Variants in KLHL1 observed in about 807,000 individuals in gnomAD.
KLHL1 encodes kelch like family member 1, also known as kelch-like protein 1.
KLHL1 carries 47 observed loss-of-function variants against 77.7 expected under a neutral mutation model. That is an observed-to-expected ratio of 0.60 (90% CI 0.48 to 0.77). The LOEUF is 0.77. Among genes scored for constraint, KLHL1 ranks in the 30% least tolerant of loss-of-function variants. The probability of loss-of-function intolerance (pLI) is 0.00; values close to 1 mark genes in which losing one functional copy is unlikely to be tolerated. For synonymous variants in KLHL1, 360 were observed against 325.2 expected (o/e 1.11, Z -1.15); for missense variants, 925 against 910.8 (o/e 1.02, Z -0.20).
chr13:69,989,361 T>C (rs1884963423), intron 1 of KLHL1, among the ~76,000 whole-genome samples: 1 of 152,008 alleles, frequency 6.6e-6, no homozygotes, highest in South Asian at 2.1e-4. Context: ...TACTGTAGCA[T>C]TGTAGTATGG....
At chr13:69,935,023 A>G (rs1275008312) in intron 4 of KLHL1, among the ~76,000 whole-genome samples, 1 of 143,952 alleles carries the variant, frequency 6.9e-6, no homozygotes, top group Admixed American at 7.2e-5. Flanking sequence ...ATAAAGTATC[A>G]TTATCATTAT....
At chr13:69,978,743 C>A (rs570974483) in intron 1 of KLHL1, among the ~76,000 whole-genome samples, 1 of 151,960 alleles carries the variant, frequency 6.6e-6, no homozygotes, top group Admixed American at 6.6e-5. Context: ...CGCCTTGGCC[C>A]CCCAAAGTGC....
intron 4 of KLHL1, chr13:69,894,931 G>T: frequency 2.2e-6 from 1 of 448,408 alleles, no homozygotes; most frequent in South Asian, 1.8e-5. Context: ...CAAGCAGCTT[G>T]GTTCCAGCAG....
chr13:69,923,731 G>A (rs747146468), intron 4 of KLHL1, among the ~76,000 whole-genome samples: 10 of 152,172 alleles, frequency 6.6e-5, no homozygotes, highest in Non-Finnish European at 1.5e-4. Context: ...CAGCTGCTGC[G>A]ATGATGCCAG....
At position 69,754,434 on chromosome 13, in the gene KLHL1, C is replaced by T. The variant is rs144612585; in HGVS notation, c.1640-13878G>A. 1.4e-3 allele frequency among the ~76,000 whole-genome samples: 208 copies of T among 152,230 alleles called. 4 individuals carry two copies. The East Asian group carries it at 0.037, about 27-fold the overall frequency. On this transcript the variant is annotated intron_variant, in intron 7 of 10. Transcript: ENST00000377844. ...ATACAAATATCCGAACTTACCATAACACCTACCAAACATTTGAAGCTCAAT... is the reference window on the plus strand; with the variant it reads ...ATACAAATATCCGAACTTACCATAATACCTACCAAACATTTGAAGCTCAAT...
chr13:69,714,135 T>C (rs1460236376), intron 9 of KLHL1, among the ~76,000 whole-genome samples: 3 of 152,188 alleles, frequency 2.0e-5, no homozygotes, highest in Non-Finnish European at 4.4e-5. Flanking sequence ...AATAAATTTC[T>C]GCTTCCCTTC....
At chr13:69,922,658 C>A (rs1371535134) in intron 4 of KLHL1, among the ~76,000 whole-genome samples, 1 of 151,586 alleles carries the variant, frequency 6.6e-6, no homozygotes, top group Non-Finnish European at 1.5e-5. Context: ...CAATAACAAG[C>A]AAAATTAAAA....
intron 1 of KLHL1, among the ~76,000 whole-genome samples, chr13:70,077,927 A>G (rs1887302849): frequency 6.6e-6 from 1 of 152,010 alleles, no homozygotes; most frequent in South Asian, 2.1e-4. Flanking sequence ...TGTTCTTTTG[A>G]AAGTCTTTCT....
chr13:69,966,663 A>T (rs939288066), intron 2 of KLHL1, among the ~76,000 whole-genome samples: 1 of 152,092 alleles, frequency 6.6e-6, no homozygotes. Flanking sequence ...TGTTACATGT[A>T]TAGATTGTGT....
chr13:69,790,521 C>A (rs9572287), intron 7 of KLHL1, among the ~76,000 whole-genome samples: 53,452 of 151,860 alleles, frequency 0.35, 9,705 homozygotes, highest in African/African-American at 0.43. Context: ...TCTCTTGTGA[C>A]TATAGATGTG....
chr13:69,834,831 G>A (rs1270699059), intron 6 of KLHL1, among the ~76,000 whole-genome samples: 1 of 152,040 alleles, frequency 6.6e-6, no homozygotes, highest in Admixed American at 6.6e-5. Context: ...TCTAAGGCAT[G>A]TATCAATTCC....
At chr13:70,037,018 C>T (rs970319424) in intron 1 of KLHL1, among the ~76,000 whole-genome samples, 7 of 151,832 alleles carry the variant, frequency 4.6e-5, no homozygotes, top group African/African-American at 1.7e-4. Flanking sequence ...TCTAGTCACT[C>T]TCTCCTGGTT....
At chr13:70,055,023 T>TCAC (rs139387932) in intron 1 of KLHL1, among the ~76,000 whole-genome samples, 6 of 152,020 alleles carry the variant, frequency 3.9e-5, no homozygotes, top group Non-Finnish European at 8.8e-5. Context: ...AAAGACGTAA[T>TCAC]AGAAATCTTT....
Position 70,023,996 on chromosome 13 carries a change from C to CTTGAT in KLHL1, c.498-48199_498-48195dup, listed in dbSNP as rs771938754. On this transcript the variant is annotated intron_variant, in intron 1 of 10. Coordinates refer to ENST00000377844, the MANE Select transcript of KLHL1 (RefSeq NM_020866.3). ...TAATTAGCCTCCTCAAGCATTTTCT[C>CTTGAT]TTGATGTCTGTCAAAAATGTTTATC... Among the ~76,000 whole-genome samples, 9 of 151,714 alleles carry CTTGAT rather than the reference C, an allele frequency of 5.9e-5. 1 individual carries two copies. The highest frequency in any genetic ancestry group is 4.4e-5 in the Non-Finnish European group (3 of 67,842).
intron 1 of KLHL1, among the ~76,000 whole-genome samples, chr13:70,101,162 G>A (rs977272893): frequency 2.6e-5 from 4 of 151,878 alleles, no homozygotes; most frequent in African/African-American, 9.7e-5. Flanking sequence ...TACATATGTA[G>A]GCTTTCTTTA....
chr13:69,840,722 G>A (rs1879223037), intron 5 of KLHL1, among the ~76,000 whole-genome samples: 1 of 150,456 alleles, frequency 6.6e-6, no homozygotes, highest in African/African-American at 2.4e-5. Context: ...ATGTATGTAT[G>A]TATGTATGTA....
intron 2 of KLHL1, among the ~76,000 whole-genome samples, chr13:69,968,471 C>T (rs1884283405): frequency 6.7e-6 from 1 of 148,698 alleles, no homozygotes; most frequent in African/African-American, 2.5e-5. Context: ...TCAGGGTGTG[C>T]CTGTACAGAA....
At position 69,961,210 on chromosome 13, in the gene KLHL1, A is replaced by C. The variant is rs1405517397; in HGVS notation, c.817+98T>G. 12 of 1,137,992 alleles carry C rather than the reference A, an allele frequency of 1.1e-5. No homozygotes were observed. The Admixed American group carries it at 1.2e-4, about 11-fold the overall frequency. 70.5% of individuals were successfully genotyped at this position (1,137,992 alleles called of 1,614,324 possible). On this transcript the variant is annotated intron_variant, in intron 3 of 10. Coordinates refer to ENST00000377844, the MANE Select transcript of KLHL1 (RefSeq NM_020866.3). ...GTTTTCAACTGAAAAGATACAGAAT[A>C]CAGAATTTTTTTTAAAAAAGCGTTA...
At chr13:69,976,780 C>T (rs960714431) in intron 1 of KLHL1, among the ~76,000 whole-genome samples, 1 of 152,062 alleles carries the variant, frequency 6.6e-6, no homozygotes, top group Non-Finnish European at 1.5e-5. Flanking sequence ...AAGTTACATA[C>T]AATATCAAAA....
Sources: gnomAD v4.1 joint callset for allele counts (sites outside exome capture counted in the v4.1 genomes callset) on GRCh38, gnomAD v4.1.1 for gene constraint, MANE v1.5 for transcripts, NCBI Gene and HGNC (gene_info 2026-07-23, HGNC 2026-07-21) for gene names.